Variants in EPHA6 observed in about 807,000 individuals in gnomAD.
EPHA6 encodes the protein EPH receptor A6.
Under a neutral mutation model 112.0 loss-of-function variants are expected in EPHA6, and 50 were observed. That is an observed-to-expected ratio of 0.45 (90% CI 0.36 to 0.56). The LOEUF is 0.56. EPHA6 is among the 20% of genes least tolerant of loss of function. The pLI is 0.00. For missense variants in EPHA6, 1,280 were observed against 1,417.4 expected (o/e 0.90, Z 1.56); for synonymous variants, 529 against 490.7 (o/e 1.08, Z -1.03).
intron 7 of EPHA6, among the ~76,000 whole-genome samples, chr3:97,464,423 A>G (rs1335545912): frequency 6.6e-6 from 1 of 152,140 alleles, no homozygotes; most frequent in Non-Finnish European, 1.5e-5. Flanking sequence ...TAGATGATAT[A>G]AATGGTACAA....
chr3:96,936,353 T>C (rs1272506630), intron 2 of EPHA6, among the ~76,000 whole-genome samples: 1 of 151,960 alleles, frequency 6.6e-6, no homozygotes, highest in Non-Finnish European at 1.5e-5. Flanking sequence ...CATGCAAAAT[T>C]AGGTAATTAA....
intron 1 of EPHA6, among the ~76,000 whole-genome samples, chr3:96,827,828 A>G (rs570852540): frequency 9.9e-5 from 15 of 152,278 alleles, no homozygotes; most frequent in Admixed American, 3.3e-4. Context: ...ATTCCTTTGC[A>G]TGAATTAAAT....
At chr3:97,371,264 G>T (rs1013182797) in intron 5 of EPHA6, among the ~76,000 whole-genome samples, 6 of 152,064 alleles carry the variant, frequency 3.9e-5, no homozygotes, top group African/African-American at 1.4e-4. Flanking sequence ...GAAAGTCAAC[G>T]CTCATTCATT....
chr3:97,418,340 G>A (rs1208224251), intron 6 of EPHA6, among the ~76,000 whole-genome samples: 1 of 152,010 alleles, frequency 6.6e-6, no homozygotes, highest in Non-Finnish European at 1.5e-5. Flanking sequence ...AATAATGGCT[G>A]TGAATTTTCT....
chr3:97,210,328 G>A (rs1307342054), intron 3 of EPHA6, among the ~76,000 whole-genome samples: 3 of 152,128 alleles, frequency 2.0e-5, no homozygotes, highest in East Asian at 1.9e-4. Flanking sequence ...CAGGAAAAAT[G>A]AGAGTGAAGT....
At chr3:97,552,199 T>C (rs1294479272) in intron 11 of EPHA6, among the ~76,000 whole-genome samples, 1 of 152,190 alleles carries the variant, frequency 6.6e-6, no homozygotes, top group East Asian at 1.9e-4. Context: ...TATCAAATGA[T>C]GAAAGTTTTA....
At chr3:97,625,124 G>A (rs2093844810) in intron 13 of EPHA6, among the ~76,000 whole-genome samples, 2 of 151,266 alleles carry the variant, frequency 1.3e-5, no homozygotes, top group African/African-American at 4.8e-5. Flanking sequence ...TCCTTACGTT[G>A]TTAAGGTAGG....
intron 2 of EPHA6, among the ~76,000 whole-genome samples, chr3:96,932,245 C>G (rs2040362659): frequency 6.6e-6 from 1 of 152,180 alleles, no homozygotes. Flanking sequence ...TATTCATTCA[C>G]CCCTTTCATT....
At chr3:97,702,253 G>A (rs892660572) in intron 14 of EPHA6, among the ~76,000 whole-genome samples, 5 of 152,142 alleles carry the variant, frequency 3.3e-5, no homozygotes, top group African/African-American at 1.2e-4. Context: ...AGATCAATGT[G>A]TTAGAATAAA....
At chr3:97,481,153 G>T (rs144731983) in intron 9 of EPHA6, 5 of 767,230 alleles carry the variant, frequency 6.5e-6, no homozygotes, top group Admixed American at 5.7e-5. Flanking sequence ...GTAGAGAGCC[G>T]AGATCACGCC....
At chr3:97,457,560 TA>T (rs916661723) in intron 7 of EPHA6, among the ~76,000 whole-genome samples, 149 of 152,258 alleles carry the variant, frequency 9.8e-4, no homozygotes, top group Non-Finnish European at 1.3e-3. Context: ...TGTCAAAATA[TA>T]AAAACATCGT....
At chr3:97,243,232 G>A (rs1471196653) in intron 4 of EPHA6, among the ~76,000 whole-genome samples, 1 of 151,796 alleles carries the variant, frequency 6.6e-6, no homozygotes, top group Non-Finnish European at 1.5e-5. Flanking sequence ...TAGTTTAAAG[G>A]ACACACCTAC....
At chr3:97,359,030 C>CT (rs796076993) in intron 5 of EPHA6, among the ~76,000 whole-genome samples, 4,271 of 138,902 alleles carry the variant, frequency 0.031, 67 homozygotes, top group Non-Finnish European at 0.034. Flanking sequence ...CTTGCTATGG[C>CT]TTTTTTTTTT....
intron 6 of EPHA6, among the ~76,000 whole-genome samples, chr3:97,446,266 A>G (rs1276237358): frequency 6.6e-6 from 1 of 152,138 alleles, no homozygotes; most frequent in African/African-American, 2.4e-5. Context: ...AAGACGTAAG[A>G]CAAGGCAGCA....
At chr3:97,396,605 A>G (rs1177937151) in intron 5 of EPHA6, among the ~76,000 whole-genome samples, 2 of 151,664 alleles carry the variant, frequency 1.3e-5, no homozygotes, top group African/African-American at 4.8e-5. Context: ...GAGAAAATGT[A>G]GTAAAAAATG....
At chr3:97,337,024 T>C (rs943109230) in intron 5 of EPHA6, among the ~76,000 whole-genome samples, 1 of 152,024 alleles carries the variant, frequency 6.6e-6, no homozygotes, top group Non-Finnish European at 1.5e-5. Context: ...CTCACCATTA[T>C]ACAATGTTCT....
intron 14 of EPHA6, among the ~76,000 whole-genome samples, chr3:97,710,523 C>T (rs1382586137): frequency 1.3e-5 from 2 of 152,240 alleles, no homozygotes; most frequent in Non-Finnish European, 2.9e-5. Context: ...TCTGCACTAA[C>T]ACTTCCTGTC....
intron 3 of EPHA6, among the ~76,000 whole-genome samples, chr3:96,988,958 A>G (rs1183467780): frequency 6.6e-6 from 1 of 152,116 alleles, no homozygotes; most frequent in Non-Finnish European, 1.5e-5. Context: ...AATAAAGAGC[A>G]TACGTTTGAT....
At chr3:97,330,987 T>A (rs1484943848) in intron 5 of EPHA6, among the ~76,000 whole-genome samples, 1 of 152,122 alleles carries the variant, frequency 6.6e-6, no homozygotes, top group African/African-American at 2.4e-5. Flanking sequence ...ATTGACCACA[T>A]AGTTGGAAGT....
Sources: gnomAD v4.1 joint callset for allele counts (sites outside exome capture counted in the v4.1 genomes callset) on GRCh38, gnomAD v4.1.1 for gene constraint, MANE v1.5 for transcripts, NCBI Gene and HGNC (gene_info 2026-07-23, HGNC 2026-07-21) for gene names.